The following ZSCAN5A variants were observed in gnomAD, a reference collection of about 807,000 sequenced individuals.
ZSCAN5A encodes the protein zinc finger and SCAN domain containing 5A, also known as zinc finger and SCAN domain-containing protein 5A.
ZSCAN5A carries 12 observed loss-of-function variants against 23.7 expected under a neutral mutation model. That is an observed-to-expected ratio of 0.51 (90% CI 0.32 to 0.82). The LOEUF (loss-of-function observed/expected upper bound fraction) is 0.82, where lower values mean the gene tolerates loss of function less well. Among genes scored for constraint, ZSCAN5A ranks in the 40% least tolerant of loss-of-function variants. The pLI, the probability that ZSCAN5A is intolerant of heterozygous loss-of-function variation, is 0.03. For missense variants in ZSCAN5A, 597 were observed against 617.9 expected, an observed-to-expected ratio of 0.97 and a Z score of 0.36; for synonymous variants, 257 against 239.9, an observed-to-expected ratio of 1.07 and a Z score of -0.66.
intron 2 of ZSCAN5A, among the ~76,000 whole-genome samples, chr19:56,287,753 A>C (rs2039235981): frequency 6.6e-6 from 1 of 152,206 alleles, no homozygotes; most frequent in Non-Finnish European, 1.5e-5. Context: ...GAGGGCTGGA[A>C]GGAGGCAGAG....
Position 56,246,800 on chromosome 19 carries a change from A to G in ZSCAN5A, c.-127-21627T>C, listed in dbSNP as rs61745428. On this transcript the variant is annotated intron_variant, in intron 2 of 5. Transcript: ENST00000683990. ...GCCTCTGTCGAAAATGTGGATGCTG[A>G]CACACCTTCTGCCTGCGTTGTGGAG... 4.1e-3 allele frequency: 6,614 copies of G among 1,609,782 alleles called. 205 individuals are homozygous for G. In the African/African-American group the frequency reaches 0.078, roughly 19 times the overall value.
intron 2 of ZSCAN5A, chr19:56,322,121 A>G: frequency 1.3e-6 from 1 of 762,016 alleles, no homozygotes; most frequent in Non-Finnish European, 2.4e-6. Flanking sequence ...ATATTTTTGC[A>G]AAGTCAGTAG....
intron 2 of ZSCAN5A, among the ~76,000 whole-genome samples, chr19:56,249,690 C>A (rs1439899977): frequency 3.3e-5 from 5 of 152,224 alleles, no homozygotes; most frequent in African/African-American, 9.6e-5. Context: ...AAGCGATGAG[C>A]TGACTCTGTA....
intron 2 of ZSCAN5A, among the ~76,000 whole-genome samples, chr19:56,362,201 C>T (rs1352854974): frequency 2.0e-5 from 3 of 151,614 alleles, no homozygotes; most frequent in Non-Finnish European, 4.4e-5. Flanking sequence ...GAAAATGTGT[C>T]TGTAATTTCT....
At chr19:56,337,512 CCT>C (rs2041551079) in intron 2 of ZSCAN5A, among the ~76,000 whole-genome samples, 1 of 152,230 alleles carries the variant, frequency 6.6e-6, no homozygotes, top group Non-Finnish European at 1.5e-5. Context: ...AAGGGAATTC[CCT>C]GACCCCTTGT....
chr19:56,292,743 G>A (rs56247607), intron 2 of ZSCAN5A, among the ~76,000 whole-genome samples: 24,136 of 151,918 alleles, frequency 0.16, 1,927 homozygotes, highest in Middle Eastern at 0.33. Flanking sequence ...CCTCAGCCCC[G>A]GCAACCACCA....
At chr19:56,349,309 C>T (rs974080064) in intron 2 of ZSCAN5A, among the ~76,000 whole-genome samples, 4 of 152,146 alleles carry the variant, frequency 2.6e-5, no homozygotes, top group African/African-American at 9.7e-5. Context: ...CAGGAATCAA[C>T]TTGTGAATAC....
intron 2 of ZSCAN5A, chr19:56,284,127 G>A (rs8104696): frequency 0.87 from 852,026 of 983,702 alleles, 372,353 homozygotes; most frequent in Non-Finnish European, 0.89. Flanking sequence ...GTGACCTCTT[G>A]GGGACAACAT....
intron 2 of ZSCAN5A, among the ~76,000 whole-genome samples, chr19:56,302,436 C>A (rs1401798271): frequency 7.3e-6 from 1 of 136,716 alleles, no homozygotes; most frequent in African/African-American, 3.2e-5. Flanking sequence ...TTCTCCCTTC[C>A]TTCCTTTCTT....
chr19:56,264,055 A>G (rs1471405737), intron 2 of ZSCAN5A, among the ~76,000 whole-genome samples: 2 of 150,344 alleles, frequency 1.3e-5, no homozygotes, highest in African/African-American at 4.9e-5. Context: ...CTGCAACAGC[A>G]CTATCTTGGC....
Position 56,250,674 on chromosome 19 carries a change from TC to T in ZSCAN5A, c.-127-25502del, listed in dbSNP as rs140895521. Among the ~76,000 whole-genome samples, 385 of 152,336 alleles carry T rather than the reference TC, an allele frequency of 2.5e-3. 2 individuals carry two copies. The highest frequency in any genetic ancestry group is 8.7e-3 in the African/African-American group (361 of 41,586). On this transcript the variant is annotated intron_variant, in intron 2 of 5. Coordinates refer to ENST00000683990, the MANE Select transcript of ZSCAN5A (RefSeq NM_001322064.3). ...TTTGAAATATTCAATCCTTCTGGTT[TC>T]TTACCCAGAATGCTACACTAAGTGT...
chr19:56,252,899 T>C (rs878998689), intron 2 of ZSCAN5A, among the ~76,000 whole-genome samples: 1 of 152,178 alleles, frequency 6.6e-6, no homozygotes, highest in Non-Finnish European at 1.5e-5. Flanking sequence ...GGGGGCCCCA[T>C]TCACGTGGGG....
At chr19:56,293,994 T>C (rs1332216479) in intron 2 of ZSCAN5A, among the ~76,000 whole-genome samples, 2 of 152,238 alleles carry the variant, frequency 1.3e-5, no homozygotes, top group African/African-American at 4.8e-5. Flanking sequence ...AACACTCCCA[T>C]GTCTGCAGGA....
At chr19:56,287,422 A>G (rs897572442) in intron 2 of ZSCAN5A, among the ~76,000 whole-genome samples, 13 of 152,030 alleles carry the variant, frequency 8.6e-5, no homozygotes, top group Non-Finnish European at 1.6e-4. Flanking sequence ...TCCCTCCCAC[A>G]TTGCCTGCGG....
intron 5 of ZSCAN5A, 105 bp downstream of exon 5, chr19:56,222,486 G>C: frequency 6.4e-7 from 1 of 1,553,026 alleles, no homozygotes. Context: ...GGGAGGCTTT[G>C]ACAGCTGAGT....
chr19:56,252,912 G>A (rs1185591064), intron 2 of ZSCAN5A, among the ~76,000 whole-genome samples: 1 of 152,218 alleles, frequency 6.6e-6, no homozygotes, highest in Non-Finnish European at 1.5e-5. Flanking sequence ...ACGTGGGGCT[G>A]ACAAGGCCAT....
At chr19:56,325,899 G>C (rs181103683) in intron 2 of ZSCAN5A, among the ~76,000 whole-genome samples, 1 of 152,124 alleles carries the variant, frequency 6.6e-6, no homozygotes, top group Admixed American at 6.5e-5. Flanking sequence ...CATATATTTA[G>C]AGTGTACAAT....
chr19:56,294,512 A>G (rs2039729886), intron 2 of ZSCAN5A, among the ~76,000 whole-genome samples: 1 of 152,196 alleles, frequency 6.6e-6, no homozygotes, highest in Admixed American at 6.5e-5. Context: ...TTTTCTGTAA[A>G]GCGCTAAATA....
intron 2 of ZSCAN5A, among the ~76,000 whole-genome samples, chr19:56,308,943 T>G (rs2040866734): frequency 6.6e-6 from 1 of 152,200 alleles, no homozygotes; most frequent in Non-Finnish European, 1.5e-5. Flanking sequence ...TTGGCAAACT[T>G]TCTCTGTGAA....
Sources: allele counts gnomAD v4.1 joint callset (sites outside exome capture counted in the v4.1 genomes callset), GRCh38; gene constraint gnomAD v4.1.1; transcripts MANE v1.5; gene names NCBI Gene and HGNC (gene_info 2026-07-23, HGNC 2026-07-21).